Variants in PRMT7 observed in about 807,000 individuals in gnomAD.
PRMT7 encodes protein arginine methyltransferase 7.
PRMT7 carries 75 observed loss-of-function variants against 85.4 expected under a neutral mutation model. The ratio of observed to expected loss-of-function variants is 0.88; its 90% confidence interval spans 0.73 to 1.06. The LOEUF is 1.06. PRMT7 is among the 50% of genes least tolerant of loss of function. The pLI is 0.00. For synonymous variants in PRMT7, 397 were observed against 359.5 expected, an observed-to-expected ratio of 1.10 and a Z score of -1.18; for missense variants, 868 against 915.2, an observed-to-expected ratio of 0.95 and a Z score of 0.67.
At chr16:68,348,812 T>C (rs62058165) in intron 14 of PRMT7, among the ~76,000 whole-genome samples, 28 of 145,540 alleles carry the variant, frequency 1.9e-4, no homozygotes, top group Non-Finnish European at 3.3e-4. Context: ...CTAATTTTTG[T>C]ATTTTTTGTA....
intron 3 of PRMT7, among the ~76,000 whole-genome samples, chr16:68,319,711 A>AGTGTGTGTGTGTGTGTTTGT (rs1555543582): frequency 5.7e-5 from 8 of 141,446 alleles, no homozygotes; most frequent in Non-Finnish European, 1.1e-4. Context: ...TAAGAGTGAG[A>AGTGTGTGTGTGTGTGTTTGT]GTGTGTGTGT....
At chr16:68,350,479 C>T (rs917673819) in intron 14 of PRMT7, among the ~76,000 whole-genome samples, 45 of 151,842 alleles carry the variant, frequency 3.0e-4, no homozygotes, top group African/African-American at 8.9e-4. Flanking sequence ...GTGGTGATGT[C>T]TCCACATAGT....
chr16:68,323,409 G>A (rs2082736921), intron 4 of PRMT7, among the ~76,000 whole-genome samples: 2 of 151,784 alleles, frequency 1.3e-5, no homozygotes, highest in Admixed American at 1.3e-4. Context: ...TAGTAGAGAT[G>A]GGGTTTCACC....
rs1461235112 is a variant in PRMT7 at position 68,347,420 on chromosome 16, C to T, written c.1275+126C>T. On this transcript the variant is annotated intron_variant, in intron 12 of 18. Transcript: ENST00000441236. ...GCCACTGTTGTGGGCACAGCATGCT[C>T]GGGTCAGGGGCTGGGGGGTTTATTG... 21 of 1,113,490 alleles carry T rather than the reference C, an allele frequency of 1.9e-5. No individual in the cohort carries two copies. The Admixed American group carries it at 3.7e-4, about 19-fold the overall frequency. 69.0% of individuals were successfully genotyped at this position (1,113,490 alleles called of 1,614,324 possible). A position where few individuals can be genotyped will look rare whatever the true frequency, so the allele number is the denominator to read the frequency against.
rs370956258 is a variant in PRMT7 at position 68,353,967 on chromosome 16, C to T, written c.1650+401C>T. On this transcript the variant is annotated intron_variant, in intron 16 of 18. Coordinates refer to ENST00000441236, the MANE Select transcript of PRMT7 (RefSeq NM_019023.5). ...TGGTAGGGGTTAGCAACTGGGCCTACGTTCTCCAGAACCATGGGCTGTCCT... is the reference window on the plus strand; with the variant it reads ...TGGTAGGGGTTAGCAACTGGGCCTATGTTCTCCAGAACCATGGGCTGTCCT... Among the ~76,000 whole-genome samples the T allele has an allele frequency of 5.8e-4, 88 of 152,314 alleles. 1 individual carries two copies. The highest frequency in any genetic ancestry group is 1.9e-3 in the African/African-American group (78 of 41,572).
In PRMT7 at chr16:68,339,940, G is replaced by A. The variant is rs751287917; in HGVS notation, c.899G>A (p.Trp300Ter). 1 of 1,613,818 alleles carries A rather than the reference G, an allele frequency of 6.2e-7. No homozygotes were observed. Among genetic ancestry groups the A allele is most frequent in the Non-Finnish European group, 8.5e-7 (1 of 1,179,898 alleles). The change falls in exon 9 of 19, where the codon TGG becomes TAG. Residue 300 changes from tryptophan to a stop codon, truncating the protein, a stop_gained. Coordinates refer to ENST00000441236, the MANE Select transcript of PRMT7 (RefSeq NM_019023.5). LOFTEE classifies it high-confidence loss of function. Reference protein sequence around the residue: ...GKIKCTMAPFWAHSDPEEMQW... With the variant: ...GKIKCTMAPF Reference sequence around the variant, plus strand: ...ATCAAGTGCACCATGGCCCCCTTCTGGGCACACTCAGACCCAGAGGAGATG... The same window carrying A: ...ATCAAGTGCACCATGGCCCCCTTCTAGGCACACTCAGACCCAGAGGAGATG...
At chr16:68,351,853 G>A (rs1034774925) in intron 14 of PRMT7, 3 of 162,956 alleles carry the variant, frequency 1.8e-5, no homozygotes, top group African/African-American at 7.2e-5. Flanking sequence ...GGGTTGACAG[G>A]ATGCCACTCT....
chr16:68,315,797 C>G, intron 2 of PRMT7, 100 bp from the exon 3 acceptor site: 2 of 601,112 alleles, frequency 3.3e-6, no homozygotes, highest in South Asian at 3.8e-5. Flanking sequence ...CCGCTTTTGT[C>G]TCCCCTTCCC....
At chr16:68,353,301 A>G in intron 15 of PRMT7, 191 bp from the exon 16 acceptor site, 1 of 1,286,144 alleles carries the variant, frequency 7.8e-7, no homozygotes, top group Non-Finnish European at 1.0e-6. Flanking sequence ...GTCACGTCAG[A>G]GCTTGCAGGT....
intron 14 of PRMT7, among the ~76,000 whole-genome samples, chr16:68,348,688 G>C (rs1351626340): frequency 7.1e-6 from 1 of 141,746 alleles, no homozygotes; most frequent in East Asian, 2.1e-4. Flanking sequence ...TGTCGTCCAG[G>C]CTGGAGTGCA....
intron 1 of PRMT7, 60 bp from the exon 2 acceptor site, chr16:68,311,982 A>AT (rs1161516731): frequency 6.6e-6 from 1 of 151,988 alleles, no homozygotes; most frequent in African/African-American, 2.4e-5. Flanking sequence ...AGTCCCTAAT[A>AT]TAGTGCCTGG....
At chr16:68,325,620 A>G (rs1339055240) in intron 5 of PRMT7, among the ~76,000 whole-genome samples, 1 of 152,116 alleles carries the variant, frequency 6.6e-6, no homozygotes, top group Non-Finnish European at 1.5e-5. Flanking sequence ...GTGAAACTCC[A>G]TCTTTACTAA....
intron 5 of PRMT7, among the ~76,000 whole-genome samples, chr16:68,326,748 G>C (rs901432162): frequency 1.3e-5 from 2 of 152,176 alleles, no homozygotes; most frequent in Non-Finnish European, 2.9e-5. Flanking sequence ...TTTCAGGGGA[G>C]AGGAGGACAC....
intron 6 of PRMT7, among the ~76,000 whole-genome samples, chr16:68,331,108 C>A (rs997840183): frequency 3.9e-5 from 6 of 152,104 alleles, no homozygotes; most frequent in South Asian, 2.1e-4. Flanking sequence ...TTCTATCAGT[C>A]CCCCCATATC....
intron 17 of PRMT7, 99 bp downstream of exon 17, chr16:68,355,982 C>G: frequency 1.6e-6 from 2 of 1,273,408 alleles, no homozygotes; most frequent in East Asian, 2.8e-5. Flanking sequence ...GACGCTGACA[C>G]GTGGAGGGGG....
chr16:68,338,180 C>T (rs765755535), intron 7 of PRMT7, among the ~76,000 whole-genome samples: 11 of 151,952 alleles, frequency 7.2e-5, no homozygotes, highest in African/African-American at 2.2e-4. Flanking sequence ...CTGGAGGTTG[C>T]GGGTGGGTTA....
intron 7 of PRMT7, among the ~76,000 whole-genome samples, chr16:68,338,832 C>T (rs2085091955): frequency 6.6e-6 from 1 of 152,112 alleles, no homozygotes; most frequent in Non-Finnish European, 1.5e-5. Flanking sequence ...GGAGTGGATG[C>T]AAGAGGTAGG....
chr16:68,338,704 T>A (rs1045269856), intron 7 of PRMT7, among the ~76,000 whole-genome samples: 4 of 152,154 alleles, frequency 2.6e-5, no homozygotes, highest in Admixed American at 2.0e-4. Context: ...GAGCAACCCC[T>A]ACAGCAGAGA....
At chr16:68,329,298 GCT>G in intron 6 of PRMT7, 124 bp downstream of exon 6, 1 of 653,778 alleles carries the variant, frequency 1.5e-6, no homozygotes, top group East Asian at 2.9e-5. Context: ...TCTGTGTGGA[GCT>G]CTGACAGTAA....
Sources: gnomAD v4.1 joint callset for allele counts (sites outside exome capture counted in the v4.1 genomes callset) on GRCh38, gnomAD v4.1.1 for gene constraint, MANE v1.5 for transcripts, NCBI Gene and HGNC (gene_info 2026-07-23, HGNC 2026-07-21) for gene names.